BZW2: variants seen among roughly 807,000 people sequenced by gnomAD.
BZW2 encodes basic leucine zipper and W2 domains 2, also known as eIF5-mimic protein 1.
BZW2 carries 23 observed loss-of-function variants against 53.2 expected under a neutral mutation model. The observed-to-expected ratio is 0.43, with a 90% CI of 0.31 to 0.61. The LOEUF (loss-of-function observed/expected upper bound fraction) is 0.61. BZW2 is among the 20% of genes least tolerant of loss of function. BZW2 has a pLI of 0.09. For synonymous variants in BZW2, 227 were observed against 186.4 expected (o/e 1.22, Z -1.77); for missense variants, 409 against 503.1 (o/e 0.81, Z 1.79).
chr7:16,687,828 TA>T (rs1272075831), intron 6 of BZW2, among the ~76,000 whole-genome samples: 1 of 152,192 alleles, frequency 6.6e-6, no homozygotes, highest in Non-Finnish European at 1.5e-5. Flanking sequence ...GGAGTAACTA[TA>T]AAGAAAGTTA....
At position 16,682,923 on chromosome 7, in the gene BZW2, C is replaced by G. The variant is rs879042874; in HGVS notation, c.405+78C>G. On this transcript the variant is annotated intron_variant, in intron 5 of 11. Coordinates refer to ENST00000258761, the MANE Select transcript of BZW2 (RefSeq NM_014038.3). ...GATAAAAATTTTATAAGTGGCCGGA[C>G]ACGGTGGCTCACGCCTGTAATCCCA... 203 of 924,788 alleles carry G rather than the reference C, an allele frequency of 2.2e-4. 1 individual carries two copies. Among genetic ancestry groups the G allele is most frequent in the Admixed American group, 2.5e-4 (9 of 35,970 alleles). The allele number at this position is 924,788 out of a possible 1,614,324, so 57.3% of individuals were successfully genotyped here. A position where few individuals can be genotyped will look rare whatever the true frequency, so the allele number is the denominator to read the frequency against.
intron 8 of BZW2, among the ~76,000 whole-genome samples, chr7:16,696,495 G>A (rs1306285718): frequency 2.0e-5 from 3 of 152,204 alleles, no homozygotes; most frequent in African/African-American, 7.2e-5. Context: ...GAATGGACCT[G>A]TACAAACCCA....
intron 3 of BZW2, 64 bp from the exon 4 acceptor site, chr7:16,681,237 T>A: frequency 8.2e-7 from 1 of 1,224,480 alleles, no homozygotes; most frequent in East Asian, 2.3e-5. Flanking sequence ...AGAATTGATG[T>A]GTTCTGCAAA....
In BZW2 at chr7:16,694,269, C is replaced by G. The variant is rs536784032; in HGVS notation, c.652-565C>G. Among the ~76,000 whole-genome samples the G allele has an allele frequency of 1.8e-3, 272 of 152,260 alleles. 1 individual carries two copies. Among genetic ancestry groups the G allele is most frequent in the Non-Finnish European group, 3.5e-3 (239 of 68,020 alleles). On this transcript the variant is annotated intron_variant, in intron 7 of 11. Transcript: ENST00000258761. Reference sequence around the variant, plus strand: ...TAGGTGTCTTAGACCTTTTCTATTACTTATAACAGAATACCTGAAACTGGG... The same window carrying G: ...TAGGTGTCTTAGACCTTTTCTATTAGTTATAACAGAATACCTGAAACTGGG...
intron 1 of BZW2, among the ~76,000 whole-genome samples, chr7:16,657,802 A>G (rs1782157799): frequency 6.6e-6 from 1 of 152,094 alleles, no homozygotes; most frequent in South Asian, 2.1e-4. Flanking sequence ...AGCCCTTGAG[A>G]GCAGGGACCA....
intron 3 of BZW2, among the ~76,000 whole-genome samples, chr7:16,679,771 T>C (rs913357821): frequency 6.6e-6 from 1 of 152,256 alleles, no homozygotes; most frequent in Non-Finnish European, 1.5e-5. Flanking sequence ...GTAGCTGGTA[T>C]AAGTATATAC....
intron 10 of BZW2, 141 bp from the exon 11 acceptor site, chr7:16,704,406 C>A: frequency 1.2e-6 from 1 of 867,702 alleles, no homozygotes; most frequent in Non-Finnish European, 1.6e-6. Flanking sequence ...ACATGAAAAT[C>A]AACTTGGTTC....
chr7:16,675,695 C>T (rs1782741869), intron 3 of BZW2, among the ~76,000 whole-genome samples: 1 of 152,148 alleles, frequency 6.6e-6, no homozygotes, highest in Non-Finnish European at 1.5e-5. Context: ...GTAAATAATT[C>T]AAGTCTAAGT....
chr7:16,679,919 A>G (rs544696854), intron 3 of BZW2, among the ~76,000 whole-genome samples: 46 of 152,328 alleles, frequency 3.0e-4, no homozygotes, highest in African/African-American at 1.1e-3. Flanking sequence ...TAATGCTTCT[A>G]ATGGCTACCA....
At chr7:16,666,121 G>A (rs761319731) in intron 2 of BZW2, among the ~76,000 whole-genome samples, 1 of 151,968 alleles carries the variant, frequency 6.6e-6, no homozygotes, top group African/African-American at 2.4e-5. Flanking sequence ...TAGAGACAGG[G>A]TCTTGCACTG....
intron 2 of BZW2, among the ~76,000 whole-genome samples, chr7:16,671,215 T>C (rs1485165284): frequency 6.6e-6 from 1 of 152,194 alleles, no homozygotes; most frequent in Admixed American, 6.5e-5. Context: ...CCTGTCCTTC[T>C]CTATTCTTTC....
chr7:16,691,369 G>T (rs1015726923), intron 7 of BZW2, among the ~76,000 whole-genome samples: 3 of 152,210 alleles, frequency 2.0e-5, no homozygotes, highest in African/African-American at 7.2e-5. Context: ...TGCTGAGGAA[G>T]GTGGAGGTTC....
At chr7:16,673,444 A>G (rs998273808) in intron 2 of BZW2, among the ~76,000 whole-genome samples, 3 of 152,244 alleles carry the variant, frequency 2.0e-5, no homozygotes, top group Admixed American at 6.5e-5. Flanking sequence ...AATGCAGTGG[A>G]TATGAAAATT....
chr7:16,661,010 G>C (rs1230476655), intron 1 of BZW2, among the ~76,000 whole-genome samples: 2 of 152,154 alleles, frequency 1.3e-5, no homozygotes, highest in East Asian at 3.8e-4. Context: ...CTCAGAGAGA[G>C]TAAAATATTT....
At chr7:16,650,513 C>T (rs1441249955) in intron 1 of BZW2, among the ~76,000 whole-genome samples, 1 of 152,182 alleles carries the variant, frequency 6.6e-6, no homozygotes, top group Admixed American at 6.5e-5. Flanking sequence ...TAGGTTCTTA[C>T]TCAGTGTTTG....
intron 7 of BZW2, among the ~76,000 whole-genome samples, chr7:16,692,621 G>T (rs60344682): frequency 6.6e-6 from 1 of 151,884 alleles, no homozygotes; most frequent in Non-Finnish European, 1.5e-5. Flanking sequence ...AAAATTAGCC[G>T]GGCGTGATGG....
rs537054260 is a variant in BZW2, at chr7:16,706,201, A to T, written c.*113A>T. 1 of 1,150,912 alleles carries T rather than the reference A, an allele frequency of 8.7e-7. No homozygotes were observed. Among genetic ancestry groups the T allele is most frequent in the South Asian group, 1.4e-5 (1 of 73,678 alleles). The allele number at this position is 1,150,912 out of a possible 1,614,324, so 71.3% of individuals were successfully genotyped here. ...TGTTTTCGCAAAGGAAAAAAAAAAT[A>T]GGATAGGCTTCCCTTGTGCAGAGGG... On this transcript the variant is annotated 3_prime_UTR_variant, in exon 12 of 12. Coordinates refer to ENST00000258761, the MANE Select transcript of BZW2 (RefSeq NM_014038.3).
chr7:16,682,155 G>A (rs576882466), intron 4 of BZW2, among the ~76,000 whole-genome samples: 1 of 152,138 alleles, frequency 6.6e-6, no homozygotes, highest in East Asian at 1.9e-4. Context: ...GTGTGTAGGA[G>A]AAAAAGGAAC....
intron 9 of BZW2, 105 bp downstream of exon 9, chr7:16,697,166 T>G: frequency 4.5e-6 from 6 of 1,348,046 alleles, no homozygotes; most frequent in Non-Finnish European, 6.0e-6. Context: ...CTGCGCTCAC[T>G]GCAACTTTGA....
Sources: gnomAD v4.1 joint callset for allele counts (sites outside exome capture counted in the v4.1 genomes callset) on GRCh38, gnomAD v4.1.1 for gene constraint, MANE v1.5 for transcripts, NCBI Gene and HGNC (gene_info 2026-07-23, HGNC 2026-07-21) for gene names.